PIP5K1B: variants seen among roughly 807,000 people sequenced by gnomAD.
PIP5K1B encodes the protein phosphatidylinositol 4-phosphate 5-kinase type-1 beta.
In PIP5K1B, 42 loss-of-function variants were observed where a neutral mutation model predicts 67.0. That is an observed-to-expected ratio of 0.63 (90% CI 0.49 to 0.81). PIP5K1B has a LOEUF of 0.81. Ranked by LOEUF, PIP5K1B falls within the 30% of genes least tolerant of loss-of-function variation. The pLI is 0.00. For missense variants in PIP5K1B, 459 were observed against 646.3 expected (o/e 0.71, Z 3.14); for synonymous variants, 214 against 231.4 (o/e 0.92, Z 0.68).
intron 13 of PIP5K1B, among the ~76,000 whole-genome samples, chr9:68,938,692 G>A (rs529627098): frequency 6.6e-6 from 1 of 152,278 alleles, no homozygotes; most frequent in East Asian, 1.9e-4. Context: ...TGCTGAAGAC[G>A]AATCCTCTTC....
chr9:68,882,869 T>TC (rs1277115425), intron 6 of PIP5K1B, among the ~76,000 whole-genome samples: 4 of 152,174 alleles, frequency 2.6e-5, no homozygotes, highest in African/African-American at 7.2e-5. Flanking sequence ...CTTGCTTCAC[T>TC]CAGAATGTTT....
intron 1 of PIP5K1B, among the ~76,000 whole-genome samples, chr9:68,742,046 C>T (rs1251189514): frequency 5.9e-5 from 9 of 152,094 alleles, no homozygotes; most frequent in African/African-American, 2.2e-4. Flanking sequence ...AATTATTTTC[C>T]ACTATTACTT....
chr9:68,952,023 AC>A (rs952525125), intron 14 of PIP5K1B, among the ~76,000 whole-genome samples: 4 of 151,128 alleles, frequency 2.6e-5, no homozygotes, highest in African/African-American at 9.8e-5. Flanking sequence ...TACTGTTCCC[AC>A]CCCCTCCTCC....
At chr9:68,984,859 A>G (rs923421434) in intron 14 of PIP5K1B, among the ~76,000 whole-genome samples, 5 of 152,212 alleles carry the variant, frequency 3.3e-5, no homozygotes, top group East Asian at 1.9e-4. Context: ...TGTTTCTGCA[A>G]TGACAAATTT....
At chr9:68,942,383 C>T (rs1160110374) in intron 14 of PIP5K1B, among the ~76,000 whole-genome samples, 1 of 152,122 alleles carries the variant, frequency 6.6e-6, no homozygotes, top group Non-Finnish European at 1.5e-5. Context: ...GGCATATAAT[C>T]GGATGTGCTC....
chr9:68,741,187 TG>T (rs1828988862), intron 1 of PIP5K1B, among the ~76,000 whole-genome samples: 1 of 152,204 alleles, frequency 6.6e-6, no homozygotes, highest in African/African-American at 2.4e-5. Flanking sequence ...CCTAAAACAG[TG>T]TGTGTACATA....
intron 3 of PIP5K1B, among the ~76,000 whole-genome samples, chr9:68,821,197 A>T (rs1275236921): frequency 6.6e-6 from 1 of 152,234 alleles, no homozygotes; most frequent in Non-Finnish European, 1.5e-5. Context: ...TCGAGGCTGC[A>T]GTGAGCTGTG....
chr9:68,788,355 CT>C, intron 2 of PIP5K1B: 1 of 947,120 alleles, frequency 1.1e-6, no homozygotes, highest in South Asian at 1.3e-5. Context: ...ATTTTATGCC[CT>C]TAAAGGGTTT....
intron 14 of PIP5K1B, among the ~76,000 whole-genome samples, chr9:68,945,178 C>T (rs562686595): frequency 1.7e-4 from 26 of 151,662 alleles, no homozygotes; most frequent in African/African-American, 4.1e-4. Context: ...GAGAGTCTCG[C>T]GCTGTGGCCC....
chr9:68,923,402 ATTTT>A lies in PIP5K1B; in HGVS notation c.1201+24_1201+27del. 1 of 1,185,830 alleles carries A rather than the reference ATTTT, an allele frequency of 8.4e-7. No homozygotes were observed. 73.5% of individuals were successfully genotyped at this position (1,185,830 alleles called of 1,614,324 possible). On this transcript the variant is annotated intron_variant, in intron 12 of 15. Transcript: ENST00000265382. ...AAAATTCAAGGTAAGATTCTTATGA[ATTTT>A]TTTTTTTACTTTTAGCAGCTAATTT...
At chr9:68,736,887 AT>A (rs1365214845) in intron 1 of PIP5K1B, among the ~76,000 whole-genome samples, 1 of 152,204 alleles carries the variant, frequency 6.6e-6, no homozygotes, top group Non-Finnish European at 1.5e-5. Flanking sequence ...GGATGTGGAC[AT>A]CTTTGGGGAC....
chr9:68,889,709 T>G (rs1433441471), intron 7 of PIP5K1B, among the ~76,000 whole-genome samples: 5 of 128,584 alleles, frequency 3.9e-5, no homozygotes, highest in African/African-American at 1.2e-4. Flanking sequence ...CACTCCAGCC[T>G]GGGCGACAGA....
chr9:68,731,519 G>T (rs915217718), intron 1 of PIP5K1B, among the ~76,000 whole-genome samples: 1 of 152,182 alleles, frequency 6.6e-6, no homozygotes, highest in Non-Finnish European at 1.5e-5. Context: ...AGGTGCGGAG[G>T]GCAAAGGGGC....
At chr9:68,767,311 AGT>A (rs1830472606) in intron 2 of PIP5K1B, among the ~76,000 whole-genome samples, 1 of 152,182 alleles carries the variant, frequency 6.6e-6, no homozygotes, top group African/African-American at 2.4e-5. Flanking sequence ...TTAGCAATGC[AGT>A]CCGGGCGCTG....
At chr9:68,744,164 A>G (rs1021172538) in intron 2 of PIP5K1B, among the ~76,000 whole-genome samples, 7 of 152,208 alleles carry the variant, frequency 4.6e-5, no homozygotes, top group Admixed American at 6.5e-5. Flanking sequence ...AGGATGGACA[A>G]TGTTACAAGG....
At chr9:68,970,298 T>A (rs1829291539) in intron 14 of PIP5K1B, among the ~76,000 whole-genome samples, 1 of 152,226 alleles carries the variant, frequency 6.6e-6, no homozygotes. Flanking sequence ...GAATTATAGC[T>A]AGGGTTAATT....
intron 8 of PIP5K1B, among the ~76,000 whole-genome samples, chr9:68,895,530 A>C (rs1825039376): frequency 6.6e-6 from 1 of 152,082 alleles, no homozygotes; most frequent in African/African-American, 2.4e-5. Flanking sequence ...CTTCTCTGCC[A>C]GACCCAAACT....
chr9:68,993,946 T>TA (rs1830491095), intron 15 of PIP5K1B, among the ~76,000 whole-genome samples: 1 of 152,084 alleles, frequency 6.6e-6, no homozygotes, highest in Non-Finnish European at 1.5e-5. Flanking sequence ...TCATGTGTCT[T>TA]ACAAGAGTGA....
chr9:68,745,420 G>T (rs142369062), intron 2 of PIP5K1B, among the ~76,000 whole-genome samples: 176 of 152,274 alleles, frequency 1.2e-3, no homozygotes, highest in African/African-American at 3.2e-3. Context: ...CTGCATCTAG[G>T]CCTGGCACTT....
Sources: gnomAD v4.1 joint callset for allele counts (sites outside exome capture counted in the v4.1 genomes callset) on GRCh38, gnomAD v4.1.1 for gene constraint, MANE v1.5 for transcripts, NCBI Gene and HGNC (gene_info 2026-07-23, HGNC 2026-07-21) for gene names.